RNF150: variants seen among roughly 807,000 people sequenced by gnomAD.
The protein encoded by RNF150 is ring finger protein 150.
Under a neutral mutation model 39.3 loss-of-function variants are expected in RNF150, and 24 were observed. The observed-to-expected ratio is 0.61, with a 90% CI of 0.44 to 0.86. The LOEUF is 0.86. Among genes scored for constraint, RNF150 ranks in the 40% least tolerant of loss-of-function variants. The probability of loss-of-function intolerance (pLI) is 0.00; values close to 1 mark genes in which losing one functional copy is unlikely to be tolerated. For missense variants in RNF150, 502 were observed against 587.8 expected, an observed-to-expected ratio of 0.85 and a Z score of 1.51; for synonymous variants, 255 against 227.3, an observed-to-expected ratio of 1.12 and a Z score of -1.10.
chr4:140,896,526 G>A (rs1253755062), intron 6 of RNF150, among the ~76,000 whole-genome samples: 3 of 77,450 alleles, frequency 3.9e-5, no homozygotes, highest in Admixed American at 2.9e-4. Context: ...ATCACACTCT[G>A]GGGACTGTGG....
At chr4:141,027,075 A>G (rs1735730215) in intron 1 of RNF150, among the ~76,000 whole-genome samples, 2 of 152,152 alleles carry the variant, frequency 1.3e-5, no homozygotes, top group Non-Finnish European at 2.9e-5. Context: ...CCAGTTAAAT[A>G]CAGGCACAGC....
intron 4 of RNF150, among the ~76,000 whole-genome samples, chr4:140,936,137 G>T (rs1439550463): frequency 2.6e-5 from 4 of 152,152 alleles, no homozygotes; most frequent in African/African-American, 9.7e-5. Context: ...TTGCTCAGTA[G>T]TATTCCATTG....
At chr4:141,189,080 T>C (rs1240211532) in intron 1 of RNF150, among the ~76,000 whole-genome samples, 1 of 152,204 alleles carries the variant, frequency 6.6e-6, no homozygotes, top group Non-Finnish European at 1.5e-5. Context: ...GGCGTCCTTT[T>C]TGTTGATGTT....
intron 1 of RNF150, among the ~76,000 whole-genome samples, chr4:141,015,933 T>G (rs974370086): frequency 2.0e-5 from 3 of 151,582 alleles, no homozygotes; most frequent in African/African-American, 4.8e-5. Context: ...TAGTTACATT[T>G]TGGGGGGTGG....
intron 1 of RNF150, among the ~76,000 whole-genome samples, chr4:141,079,401 GAGA>G (rs781471507): frequency 3.9e-5 from 6 of 151,936 alleles, no homozygotes; most frequent in Admixed American, 6.6e-5. Context: ...TTCTTTCTTT[GAGA>G]AGAATATATA....
intron 1 of RNF150, among the ~76,000 whole-genome samples, chr4:141,087,390 C>T (rs1270934571): frequency 1.3e-5 from 2 of 152,098 alleles, no homozygotes; most frequent in East Asian, 3.9e-4. Flanking sequence ...TTCTACTACT[C>T]CTTTGTACCT....
chr4:141,035,363 GCCTTCAACAT>G (rs1055718618), intron 1 of RNF150, among the ~76,000 whole-genome samples: 11 of 152,148 alleles, frequency 7.2e-5, no homozygotes, highest in African/African-American at 2.7e-4. Flanking sequence ...CACCTTCACA[GCCTTCAACAT>G]CAGGCATGCA....
intron 1 of RNF150, among the ~76,000 whole-genome samples, chr4:141,195,329 A>T (rs1010667900): frequency 3.9e-5 from 6 of 152,226 alleles, no homozygotes; most frequent in Admixed American, 1.3e-4. Flanking sequence ...GAATTATTCT[A>T]GGTCACTTTC....
At chr4:141,093,226 C>A (rs1194459301) in intron 1 of RNF150, among the ~76,000 whole-genome samples, 1 of 152,030 alleles carries the variant, frequency 6.6e-6, no homozygotes, top group Non-Finnish European at 1.5e-5. Context: ...ATTGGCCGGG[C>A]ATGGTGGCAG....
At chr4:141,155,102 T>C (rs560965220) in intron 1 of RNF150, among the ~76,000 whole-genome samples, 1 of 152,190 alleles carries the variant, frequency 6.6e-6, no homozygotes, top group East Asian at 1.9e-4. Context: ...TTATTTTATT[T>C]TGAGACAGAG....
intron 1 of RNF150, among the ~76,000 whole-genome samples, chr4:141,019,581 C>A (rs1735407968): frequency 6.6e-6 from 1 of 152,104 alleles, no homozygotes; most frequent in Non-Finnish European, 1.5e-5. Context: ...ACCTCTCCCA[C>A]CCTCCACCAC....
At chr4:141,110,682 G>T (rs1304115724) in intron 1 of RNF150, among the ~76,000 whole-genome samples, 1 of 151,738 alleles carries the variant, frequency 6.6e-6, no homozygotes, top group Non-Finnish European at 1.5e-5. Flanking sequence ...CATAATGCTG[G>T]AATTACAGGC....
Position 140,991,789 on chromosome 4 carries a change from A to G in RNF150, c.485-23916T>C, listed in dbSNP as rs180775923. 9.2e-5 allele frequency among the ~76,000 whole-genome samples: 14 copies of G among 152,326 alleles called. No homozygotes were observed. The East Asian group carries it at 2.5e-3, about 27-fold the overall frequency. The stretch of plus-strand genomic sequence containing the variant: ...ATGTGAATAATATTAACTAAAGGAT[A>G]CATTTAGAGAGCAGAGAAAAGCCTG... On this transcript the variant is annotated intron_variant, in intron 1 of 6. Transcript: ENST00000515673.
At chr4:141,019,944 G>C (rs933946841) in intron 1 of RNF150, among the ~76,000 whole-genome samples, 1 of 152,112 alleles carries the variant, frequency 6.6e-6, no homozygotes, top group East Asian at 1.9e-4. Context: ...CAATACAAAC[G>C]TCTGGTTTGT....
At position 140,915,310 on chromosome 4, in the gene RNF150, T is replaced by C. The variant is rs564211269; in HGVS notation, c.988-3956A>G. On this transcript the variant is annotated intron_variant, in intron 5 of 6. Transcript: ENST00000515673. ...CTGCATAAAAAGGGTTTCAGTTCGATATAGCAAGTATTTTCTAATTGAGAA... is the reference window on the plus strand; with the variant it reads ...CTGCATAAAAAGGGTTTCAGTTCGACATAGCAAGTATTTTCTAATTGAGAA... Among the ~76,000 whole-genome samples, 5 of 152,366 alleles carry C rather than the reference T, an allele frequency of 3.3e-5. No homozygotes were observed. In the East Asian group the frequency reaches 5.8e-4, roughly 18 times the overall value.
Position 141,112,508 on chromosome 4 carries a change from A to C in RNF150, c.484+19817T>G, listed in dbSNP as rs548711996. 4.5e-3 allele frequency among the ~76,000 whole-genome samples: 683 copies of C among 152,282 alleles called. 3 individuals are homozygous for C. The highest frequency in any genetic ancestry group is 6.8e-3 in the Middle Eastern group (2 of 294). On this transcript the variant is annotated intron_variant, in intron 1 of 6. Coordinates refer to ENST00000515673, the MANE Select transcript of RNF150 (RefSeq NM_020724.2). ...TGAAGCTTAGTTTGGCTGGTAAGAA[A>C]TTCTGGGTTGAAAATTCTTTTCTTT...
intron 1 of RNF150, among the ~76,000 whole-genome samples, chr4:141,183,679 C>T (rs1727951079): frequency 1.3e-5 from 2 of 151,938 alleles, no homozygotes; most frequent in Non-Finnish European, 2.9e-5. Context: ...TCCCCTTGCC[C>T]CAAACCCCCC....
intron 1 of RNF150, among the ~76,000 whole-genome samples, chr4:141,057,143 CA>C (rs567318155): frequency 9.1e-4 from 139 of 152,068 alleles, no homozygotes; most frequent in Middle Eastern, 3.4e-3. Flanking sequence ...CCACTGACCC[CA>C]ATTTTAGCTT....
intron 1 of RNF150, among the ~76,000 whole-genome samples, chr4:140,969,209 T>C (rs1192580656): frequency 6.6e-6 from 1 of 152,154 alleles, no homozygotes; most frequent in Non-Finnish European, 1.5e-5. Flanking sequence ...TTAAATTCCT[T>C]GATGGTGTTT....
Sources: allele counts gnomAD v4.1 joint callset (sites outside exome capture counted in the v4.1 genomes callset), GRCh38; gene constraint gnomAD v4.1.1; transcripts MANE v1.5; gene names NCBI Gene and HGNC (gene_info 2026-07-23, HGNC 2026-07-21).